Variants in FOXP1 observed in about 807,000 individuals in gnomAD.
The protein encoded by FOXP1 is forkhead box protein P1.
Under a neutral mutation model 98.2 loss-of-function variants are expected in FOXP1, and 15 were observed. That is an observed-to-expected ratio of 0.15 (90% CI 0.10 to 0.24). FOXP1 has a LOEUF of 0.24. FOXP1 is among the 10% of genes least tolerant of loss of function. The probability of loss-of-function intolerance (pLI) is 1.00; values close to 1 mark genes in which losing one functional copy is unlikely to be tolerated. For missense variants in FOXP1, 633 were observed against 848.5 expected (o/e 0.75, Z 3.15); for synonymous variants, 371 against 314.5 (o/e 1.18, Z -1.90).
chr3:70,971,007 T>G, intron 18 of FOXP1: 1 of 576,830 alleles, frequency 1.7e-6, no homozygotes, highest in Non-Finnish European at 3.1e-6. Flanking sequence ...GACTTCTCTA[T>G]TCAAGGAAAC....
chr3:71,380,385 C>T (rs2080051214), intron 3 of FOXP1, among the ~76,000 whole-genome samples: 1 of 152,198 alleles, frequency 6.6e-6, no homozygotes, highest in Non-Finnish European at 1.5e-5. Flanking sequence ...AAACAACCAA[C>T]GTTGTGTAAG....
chr3:70,956,652 C>A lies in FOXP1; in HGVS notation c.*2595G>T, dbSNP rs982211479. 1 of 216,192 alleles carries A rather than the reference C, an allele frequency of 4.6e-6. No homozygotes were observed. Among genetic ancestry groups the A allele is most frequent in the Non-Finnish European group, 9.2e-6 (1 of 108,518 alleles). The allele number at this position is 216,192 out of a possible 1,614,324, so 13.4% of individuals were successfully genotyped here. On this transcript the variant is annotated 3_prime_UTR_variant, in exon 21 of 21. Coordinates refer to ENST00000649528, the MANE Select transcript of FOXP1 (RefSeq NM_001349338.3). ...TTTGAATACCAAACTAACCAGCAAC[C>A]ACTCAGTTTAGAAGCACAGGGCCCC...
intron 2 of FOXP1, among the ~76,000 whole-genome samples, chr3:71,565,201 G>A (rs532666231): frequency 6.6e-6 from 1 of 152,202 alleles, no homozygotes; most frequent in Non-Finnish European, 1.5e-5. Flanking sequence ...GGAGTGTTAG[G>A]GGTTAAAAAA....
intron 13 of FOXP1, among the ~76,000 whole-genome samples, chr3:70,998,816 G>A (rs1274386212): frequency 6.6e-6 from 1 of 152,222 alleles, no homozygotes; most frequent in Non-Finnish European, 1.5e-5. Context: ...ATTTACTGAT[G>A]ATGGTCTAAA....
chr3:71,319,175 C>T (rs1188000254), intron 4 of FOXP1, among the ~76,000 whole-genome samples: 1 of 152,102 alleles, frequency 6.6e-6, no homozygotes, highest in Non-Finnish European at 1.5e-5. Flanking sequence ...TTCAAATAAC[C>T]ATTGCACACC....
At chr3:71,509,808 G>T (rs898723792) in intron 2 of FOXP1, among the ~76,000 whole-genome samples, 4 of 152,162 alleles carry the variant, frequency 2.6e-5, no homozygotes, top group Non-Finnish European at 1.5e-5. Context: ...TTGAGCACAG[G>T]AGTTTCAGAT....
chr3:71,204,794 A>C (rs1490104137), intron 5 of FOXP1, among the ~76,000 whole-genome samples: 1 of 152,230 alleles, frequency 6.6e-6, no homozygotes, highest in Non-Finnish European at 1.5e-5. Context: ...GAACAAAACA[A>C]GAGAAACAGA....
At position 71,321,121 on chromosome 3, in the gene FOXP1, CAAAAAA is replaced by C. The variant is rs11293559; in HGVS notation, c.-72-21247_-72-21242del. ...AACAGTGTCCTAATTTAGACTGTAC[CAAAAAA>C]AAAAAAAAAAAGGAAAAAAAACGCT... is the stretch of plus-strand genomic sequence containing the variant. On this transcript the variant is annotated intron_variant, in intron 4 of 20. Coordinates refer to ENST00000649528, the MANE Select transcript of FOXP1 (RefSeq NM_001349338.3). 6.2e-3 allele frequency among the ~76,000 whole-genome samples: 754 copies of C among 122,004 alleles called. 5 individuals carry two copies. Among genetic ancestry groups the C allele is most frequent in the African/African-American group, 0.022 (731 of 33,634 alleles). The allele number at this position is 122,004 out of a possible 152,430, so 80.0% of individuals were successfully genotyped here.
chr3:71,480,165 G>T (rs2090163989), intron 3 of FOXP1, among the ~76,000 whole-genome samples: 1 of 152,102 alleles, frequency 6.6e-6, no homozygotes. Flanking sequence ...CTCTAGCCTG[G>T]GTGACAAAGC....
intron 6 of FOXP1, among the ~76,000 whole-genome samples, chr3:71,182,480 CAG>C (rs1322511078): frequency 6.7e-6 from 1 of 148,522 alleles, no homozygotes; most frequent in Non-Finnish European, 1.5e-5. Flanking sequence ...TGGGGATATA[CAG>C]AAAAGTGTAA....
At chr3:71,198,425 A>AGGGGGGGGGGGG (rs747142970) in intron 5 of FOXP1, 33 bp from the exon 6 acceptor site, 74 of 529,754 alleles carry the variant, frequency 1.4e-4, no homozygotes, top group African/African-American at 3.1e-4. Context: ...GGGGGGAGGG[A>AGGGGGGGGGGGG]GGGGGGGAGA....
chr3:70,958,530 C>G lies in FOXP1; in HGVS notation c.*717G>C. On this transcript the variant is annotated 3_prime_UTR_variant, in exon 21 of 21. Transcript: ENST00000649528. ...ATTCAGCTTTGTATAATAAAAACAC[C>G]TATTAACATTCATCACAAGGTACAG... 3.2e-6 allele frequency: 1 copy of G among 309,836 alleles called. No individual in the cohort carries two copies. The highest frequency in any genetic ancestry group is 5.1e-5 in the South Asian group (1 of 19,562). 19.2% of individuals were successfully genotyped at this position (309,836 alleles called of 1,614,324 possible).
At chr3:71,021,514 T>A (rs557766361) in intron 11 of FOXP1, among the ~76,000 whole-genome samples, 25 of 152,360 alleles carry the variant, frequency 1.6e-4, no homozygotes, top group Admixed American at 1.2e-3. Context: ...TATGTACATG[T>A]ACTCTAAGTA....
intron 3 of FOXP1, among the ~76,000 whole-genome samples, chr3:71,378,564 T>G (rs1281277223): frequency 1.3e-5 from 2 of 152,190 alleles, no homozygotes; most frequent in Non-Finnish European, 2.9e-5. Flanking sequence ...AGTAGCCATA[T>G]TGGTTGTCAG....
chr3:71,290,680 T>C (rs10460939), intron 5 of FOXP1, among the ~76,000 whole-genome samples: 142,287 of 152,232 alleles, frequency 0.93, 67,011 homozygotes, highest in Non-Finnish European at 1. Context: ...TACACTGTTA[T>C]GTTGTCTCTT....
At chr3:70,969,387 TAAA>T (rs1217296996) in intron 19 of FOXP1, 1 of 152,242 alleles carries the variant, frequency 6.6e-6, no homozygotes, top group East Asian at 1.9e-4. Context: ...TAAAAATAAA[TAAA>T]TATAATTACT....
intron 3 of FOXP1, among the ~76,000 whole-genome samples, chr3:71,436,568 A>G (rs1399179091): frequency 1.3e-5 from 2 of 152,134 alleles, no homozygotes; most frequent in African/African-American, 4.8e-5. Flanking sequence ...TCCCTATTAC[A>G]ATTCCATGTA....
intron 5 of FOXP1, among the ~76,000 whole-genome samples, chr3:71,248,740 CAA>C (rs34053081): frequency 0.71 from 97,687 of 138,282 alleles, 33,397 homozygotes; most frequent in East Asian, 0.78. Context: ...GACGTCATCT[CAA>C]AAAAAAAAAA....
At chr3:70,993,399 G>T (rs2040905363) in intron 13 of FOXP1, among the ~76,000 whole-genome samples, 1 of 152,296 alleles carries the variant, frequency 6.6e-6, no homozygotes. Flanking sequence ...ATGATCCTCT[G>T]GGTGGAAGCG....
Sources: allele counts gnomAD v4.1 joint callset (sites outside exome capture counted in the v4.1 genomes callset), GRCh38; gene constraint gnomAD v4.1.1; transcripts MANE v1.5; gene names NCBI Gene and HGNC (gene_info 2026-07-23, HGNC 2026-07-21).